The following HECTD2 variants were observed in gnomAD, a reference collection of about 807,000 sequenced individuals.
The protein encoded by HECTD2 is HECT domain E3 ubiquitin protein ligase 2.
HECTD2 carries 35 observed loss-of-function variants against 103.2 expected under a neutral mutation model. The observed-to-expected ratio is 0.34, with a 90% confidence interval of 0.26 to 0.45. The LOEUF (loss-of-function observed/expected upper bound fraction) is 0.45, where lower values mean the gene tolerates loss of function less well. Among genes scored for constraint, HECTD2 ranks in the 20% least tolerant of loss-of-function variants. The pLI is 1.00. For missense variants in HECTD2, 596 were observed against 937.4 expected (o/e 0.64, Z 4.76); for synonymous variants, 281 against 329.9 (o/e 0.85, Z 1.61).
intron 13 of HECTD2, 83 bp downstream of exon 13, chr10:91,492,567 C>A: frequency 9.4e-7 from 1 of 1,060,434 alleles, no homozygotes; most frequent in Non-Finnish European, 1.4e-6. Context: ...TTAACCTATT[C>A]TGTGATTTTA....
chr10:91,443,836 T>C (rs1844473996), intron 2 of HECTD2, among the ~76,000 whole-genome samples: 1 of 152,210 alleles, frequency 6.6e-6, no homozygotes, highest in African/African-American at 2.4e-5. Flanking sequence ...TTAAATCTAC[T>C]TCAGTGTTAC....
intron 9 of HECTD2, 44 bp downstream of exon 9, chr10:91,484,699 C>A: frequency 6.9e-7 from 1 of 1,444,474 alleles, no homozygotes; most frequent in Non-Finnish European, 9.4e-7. Context: ...TCTTTTGTTA[C>A]ATTTTAGGGA....
At chr10:91,466,866 T>C (rs781542127) in intron 5 of HECTD2, among the ~76,000 whole-genome samples, 1 of 152,110 alleles carries the variant, frequency 6.6e-6, no homozygotes. Flanking sequence ...AAACCTTAAA[T>C]ACATATTGCT....
At chr10:91,483,107 A>G in intron 8 of HECTD2, 31 bp downstream of exon 8, 1 of 949,168 alleles carries the variant, frequency 1.1e-6, no homozygotes, top group Non-Finnish European at 1.7e-6. Flanking sequence ...AAGAACTTTT[A>G]TAGTCTCACA....
intron 6 of HECTD2, among the ~76,000 whole-genome samples, chr10:91,480,317 G>A (rs1353304267): frequency 6.6e-6 from 1 of 152,094 alleles, no homozygotes; most frequent in Non-Finnish European, 1.5e-5. Context: ...AGGAATAGGT[G>A]ATATATACAA....
chr10:91,443,914 G>A (rs1844478459), intron 2 of HECTD2, among the ~76,000 whole-genome samples: 1 of 152,082 alleles, frequency 6.6e-6, no homozygotes, highest in Admixed American at 6.6e-5. Flanking sequence ...AACACTAATT[G>A]GACAGAGGTT....
chr10:91,485,271 T>C lies in HECTD2; in HGVS notation c.1062T>C (p.Tyr354=). 6.3e-7 allele frequency: 1 copy of C among 1,596,854 alleles called. No individual in the cohort carries two copies. The highest frequency in any genetic ancestry group is 1.1e-5 in the South Asian group (1 of 87,506). The change falls in exon 10 of 21, where the codon TAT becomes TAC. Residue 354 remains tyrosine, a synonymous_variant. Transcript: ENST00000298068. Reference sequence around the variant, plus strand: ...ATCACATTGATCTCATGGAAGAATATCATACTTGGCAAAACTTTGGAAACT... The same window carrying C: ...ATCACATTGATCTCATGGAAGAATACCATACTTGGCAAAACTTTGGAAACT... ...TLDHIDLMEE[Y]HTWQNFGNSH... is the part of the protein sequence containing the mutation.
chr10:91,453,724 G>C (rs1422355282), intron 2 of HECTD2, among the ~76,000 whole-genome samples: 1 of 151,856 alleles, frequency 6.6e-6, no homozygotes, highest in African/African-American at 2.4e-5. Flanking sequence ...AATGTAAATG[G>C]TCTAAATAAA....
intron 2 of HECTD2, among the ~76,000 whole-genome samples, chr10:91,454,226 G>A (rs1211336457): frequency 6.6e-6 from 1 of 152,130 alleles, no homozygotes; most frequent in Non-Finnish European, 1.5e-5. Context: ...AATACACGTG[G>A]CATTTCAAGT....
At chr10:91,419,387 C>T (rs1843258670) in intron 1 of HECTD2, among the ~76,000 whole-genome samples, 1 of 152,068 alleles carries the variant, frequency 6.6e-6, no homozygotes, top group African/African-American at 2.4e-5. Flanking sequence ...AAATATTTAA[C>T]TATATGTTAA....
chr10:91,452,287 A>T (rs1470568660), intron 2 of HECTD2, among the ~76,000 whole-genome samples: 2 of 152,152 alleles, frequency 1.3e-5, no homozygotes, highest in African/African-American at 4.8e-5. Flanking sequence ...AAGAAGCTAA[A>T]CAAACCTCAT....
intron 5 of HECTD2, among the ~76,000 whole-genome samples, chr10:91,469,219 A>G (rs1456389349): frequency 6.6e-6 from 1 of 152,326 alleles, no homozygotes; most frequent in East Asian, 1.9e-4. Context: ...CCCCAACCTC[A>G]CTAGAGAAGC....
intron 2 of HECTD2, among the ~76,000 whole-genome samples, chr10:91,457,777 A>G (rs1240934885): frequency 6.6e-6 from 1 of 151,992 alleles, no homozygotes; most frequent in East Asian, 1.9e-4. Flanking sequence ...CTCTTATTCA[A>G]CATGGTAAGA....
chr10:91,471,744 T>C (rs1228708102), intron 5 of HECTD2, among the ~76,000 whole-genome samples: 1 of 152,124 alleles, frequency 6.6e-6, no homozygotes, highest in Non-Finnish European at 1.5e-5. Flanking sequence ...CTGTGAGTAT[T>C]GCTAACCAGT....
chr10:91,440,014 C>G (rs1422276024), intron 2 of HECTD2, among the ~76,000 whole-genome samples: 2 of 152,140 alleles, frequency 1.3e-5, no homozygotes, highest in Non-Finnish European at 2.9e-5. Flanking sequence ...AATATATAAT[C>G]ATGTCATCTG....
intron 5 of HECTD2, among the ~76,000 whole-genome samples, chr10:91,465,807 T>C (rs979900329): frequency 1.3e-5 from 2 of 152,178 alleles, no homozygotes; most frequent in Non-Finnish European, 2.9e-5. Flanking sequence ...TGTATAATTC[T>C]TTTTATGTAT....
rs201941426 is a variant in HECTD2 at position 91,421,731 on chromosome 10, C to T, written c.139-3550C>T. On this transcript the variant is annotated intron_variant, in intron 1 of 20. Transcript: ENST00000298068. The stretch of plus-strand genomic sequence containing the variant: ...CATTGGTTCCTTTAGTAGTTACTCA[C>T]AAATCATGTTGATAAAACCCAGTCT... Among the ~76,000 whole-genome samples the T allele has an allele frequency of 6.6e-5, 10 of 152,310 alleles. 1 individual carries two copies. The East Asian group carries it at 1.5e-3, about 23-fold the overall frequency.
chr10:91,496,465 T>A, intron 15 of HECTD2, 93 bp downstream of exon 15: 1 of 855,452 alleles, frequency 1.2e-6, no homozygotes, highest in Non-Finnish European at 1.8e-6. Flanking sequence ...TTCTTACTTT[T>A]AAATATGGTT....
chr10:91,484,327 A>T, intron 8 of HECTD2, 180 bp from the exon 9 acceptor site: 2 of 1,348,406 alleles, frequency 1.5e-6, no homozygotes, highest in South Asian at 2.7e-5. Flanking sequence ...TTTCTCATTT[A>T]ACGAAGACAG....
Sources: gnomAD v4.1 joint callset for allele counts (sites outside exome capture counted in the v4.1 genomes callset) on GRCh38, gnomAD v4.1.1 for gene constraint, MANE v1.5 for transcripts, NCBI Gene and HGNC (gene_info 2026-07-23, HGNC 2026-07-21) for gene names.